Variants in FOXO3 observed in about 807,000 individuals in gnomAD.
FOXO3 encodes the protein forkhead box O3, also known as forkhead box protein O3.
A neutral mutation model predicts 41.9 loss-of-function variants in FOXO3; 4 were observed. The ratio of observed to expected loss-of-function variants is 0.10; its 90% CI spans 0.05 to 0.22. The LOEUF is 0.22. Among genes scored for constraint, FOXO3 ranks in the 10% least tolerant of loss-of-function variants. The pLI is 1.00. For missense variants in FOXO3, 534 were observed against 906.8 expected, an observed-to-expected ratio of 0.59 and a Z score of 5.28; for synonymous variants, 318 against 389.3, an observed-to-expected ratio of 0.82 and a Z score of 2.16.
At chr6:108,623,433 C>T (rs759271188) in intron 1 of FOXO3, among the ~76,000 whole-genome samples, 36 of 152,242 alleles carry the variant, frequency 2.4e-4, no homozygotes, top group Non-Finnish European at 4.1e-4. Flanking sequence ...GCTTGCCACC[C>T]CCAGGTTCAT....
intron 1 of FOXO3, among the ~76,000 whole-genome samples, chr6:108,649,689 C>T (rs1250908300): frequency 6.6e-6 from 1 of 151,662 alleles, no homozygotes; most frequent in East Asian, 1.9e-4. Context: ...GTGCCTGGCC[C>T]CTACTTCCCT....
chr6:108,639,525 A>G (rs746582681), intron 1 of FOXO3: 539 of 985,136 alleles, frequency 5.5e-4, no homozygotes, highest in Non-Finnish European at 6.4e-4. Context: ...ACCCTGCTCA[A>G]GCCTGGGTAC....
At chr6:108,621,254 A>G (rs1162557739) in intron 1 of FOXO3, among the ~76,000 whole-genome samples, 1 of 152,128 alleles carries the variant, frequency 6.6e-6, no homozygotes, top group East Asian at 1.9e-4. Flanking sequence ...CCCACGAGGA[A>G]CAGCAGTTCA....
intron 1 of FOXO3, among the ~76,000 whole-genome samples, chr6:108,564,920 C>G (rs576559642): frequency 6.6e-6 from 1 of 152,064 alleles, no homozygotes; most frequent in Admixed American, 6.6e-5. Context: ...TTCTTAAGAT[C>G]ACACAGCTAG....
intron 2 of FOXO3, among the ~76,000 whole-genome samples, chr6:108,677,064 T>C (rs1276463408): frequency 6.6e-6 from 1 of 152,238 alleles, no homozygotes; most frequent in Non-Finnish European, 1.5e-5. Flanking sequence ...GTTGCCTCTA[T>C]ACCTGGGCCA....
chr6:108,610,705 T>C (rs1263587281), intron 1 of FOXO3, among the ~76,000 whole-genome samples: 1 of 152,150 alleles, frequency 6.6e-6, no homozygotes, highest in African/African-American at 2.4e-5. Flanking sequence ...TTCCTTTTCC[T>C]CCCTCCACAT....
intron 1 of FOXO3, among the ~76,000 whole-genome samples, chr6:108,574,152 CAA>C (rs1200932714): frequency 1.0e-3 from 76 of 72,786 alleles, no homozygotes; most frequent in African/African-American, 3.1e-3. Context: ...GACTCTGTCT[CAA>C]AAAAAAAAAA....
intron 1 of FOXO3, among the ~76,000 whole-genome samples, chr6:108,592,248 A>G (rs1463673214): frequency 6.6e-6 from 1 of 152,232 alleles, no homozygotes; most frequent in Non-Finnish European, 1.5e-5. Flanking sequence ...TCGTGTAAGC[A>G]TATGCTTAAA....
chr6:108,679,129 C>T (rs967356232), intron 2 of FOXO3, among the ~76,000 whole-genome samples: 38 of 152,082 alleles, frequency 2.5e-4, no homozygotes, highest in African/African-American at 7.5e-4. Flanking sequence ...CCTCAGCCTT[C>T]GAAAGTGCTG....
chr6:108,569,712 T>C (rs1776039095), intron 1 of FOXO3, among the ~76,000 whole-genome samples: 1 of 152,064 alleles, frequency 6.6e-6, no homozygotes, highest in African/African-American at 2.4e-5. Flanking sequence ...CACCTTGGTG[T>C]CCAGATGTGC....
intron 1 of FOXO3, among the ~76,000 whole-genome samples, chr6:108,614,801 ATTAG>A (rs1777449157): frequency 1.3e-5 from 2 of 150,454 alleles, no homozygotes; most frequent in African/African-American, 4.9e-5. Context: ...TTATCTTGCT[ATTAG>A]TTTTCTATTT....
At chr6:108,654,632 T>C (rs1189005398) in intron 1 of FOXO3, among the ~76,000 whole-genome samples, 1 of 152,214 alleles carries the variant, frequency 6.6e-6, no homozygotes, top group African/African-American at 2.4e-5. Context: ...AGGCCATCTC[T>C]GTGGGTAGAG....
chr6:108,598,431 C>A (rs1776948939), intron 1 of FOXO3, among the ~76,000 whole-genome samples: 1 of 152,126 alleles, frequency 6.6e-6, no homozygotes, highest in Non-Finnish European at 1.5e-5. Context: ...GAGTGATAAA[C>A]TGAACTGAGG....
At position 108,684,586 on chromosome 6, in the gene FOXO3, C is replaced by A. The variant is rs960672333; in HGVS notation, c.*4794C>A. ...ATATGTTGCCATGAATTAACTCTGC[C>A]GCCTTTCTTAAGGATCAAAACCAGT... On this transcript the variant is annotated 3_prime_UTR_variant, in exon 3 of 3. Transcript: ENST00000406360. 2 of 152,548 alleles carry A rather than the reference C, an allele frequency of 1.3e-5. No individual in the cohort carries two copies. Among genetic ancestry groups the A allele is most frequent in the African/African-American group, 4.8e-5 (2 of 41,430 alleles). The allele number at this position is 152,548 out of a possible 1,614,324, so 9.4% of individuals were successfully genotyped here.
intron 1 of FOXO3, among the ~76,000 whole-genome samples, chr6:108,642,732 T>A (rs1297433531): frequency 6.6e-6 from 1 of 152,196 alleles, no homozygotes; most frequent in African/African-American, 2.4e-5. Flanking sequence ...ATCAGAATGA[T>A]GTGTGTATGG....
At chr6:108,662,674 A>G (rs1778903779) in intron 1 of FOXO3, among the ~76,000 whole-genome samples, 1 of 152,196 alleles carries the variant, frequency 6.6e-6, no homozygotes, top group Non-Finnish European at 1.5e-5. Flanking sequence ...CCTCTATACT[A>G]GTGGAGGAGG....
intron 1 of FOXO3, among the ~76,000 whole-genome samples, chr6:108,601,655 C>A (rs1156814930): frequency 2.0e-5 from 3 of 152,212 alleles, no homozygotes; most frequent in Non-Finnish European, 4.4e-5. Context: ...CCCTGCCTAA[C>A]TTGACCCCTG....
chr6:108,591,680 T>C (rs761440868), intron 1 of FOXO3, among the ~76,000 whole-genome samples: 36 of 152,324 alleles, frequency 2.4e-4, no homozygotes, highest in Admixed American at 1.3e-3. Flanking sequence ...TCTCAAGTTA[T>C]CGTTTTTCTT....
intron 1 of FOXO3, among the ~76,000 whole-genome samples, chr6:108,628,106 G>C (rs1380532324): frequency 1.3e-5 from 2 of 150,720 alleles, no homozygotes; most frequent in Non-Finnish European, 3.0e-5. Context: ...AAAGCATCTG[G>C]AAAAAAGCCT....
Sources: gnomAD v4.1 joint callset for allele counts (sites outside exome capture counted in the v4.1 genomes callset) on GRCh38, gnomAD v4.1.1 for gene constraint, MANE v1.5 for transcripts, NCBI Gene and HGNC (gene_info 2026-07-23, HGNC 2026-07-21) for gene names.